Variants in XPO6 observed in about 807,000 individuals in gnomAD.
XPO6 encodes the protein exportin-6.
XPO6 carries 3 observed loss-of-function variants against 130.0 expected under a neutral mutation model. The observed-to-expected ratio is 0.02, with a 90% CI of 0.01 to 0.06. The LOEUF (loss-of-function observed/expected upper bound fraction) is 0.06, where lower values mean the gene tolerates loss of function less well. Ranked by LOEUF, XPO6 falls within the 10% of genes least tolerant of loss-of-function variation. The probability of loss-of-function intolerance (pLI) is 1.00; values close to 1 mark genes in which losing one functional copy is unlikely to be tolerated. For missense variants in XPO6, 970 were observed against 1,393.0 expected, an observed-to-expected ratio of 0.70 and a Z score of 4.83; for synonymous variants, 524 against 548.9, an observed-to-expected ratio of 0.95 and a Z score of 0.63.
In XPO6 at chr16:28,132,663, A is replaced by G. The variant is rs1251661684; in HGVS notation, c.1537-260T>C. Among the ~76,000 whole-genome samples the G allele has an allele frequency of 6.6e-6, 1 of 151,740 alleles. No individual in the cohort carries two copies. Among genetic ancestry groups the G allele is most frequent in the Non-Finnish European group, 1.5e-5 (1 of 67,940 alleles). The stretch of plus-strand genomic sequence containing the variant: ...AGTTCAACCCTTTTTTTAAAAAAAA[A>G]AAAAAAGCAAAGGACACTGTGGTAT... On this transcript the variant is annotated intron_variant, in intron 11 of 23. Transcript: ENST00000304658. The surrounding 1 kb of genome is among the most constrained non-coding windows in gnomAD (Gnocchi z 4.0).
chr16:28,135,411 G>GATCAACATAGACACCATT, intron 9 of XPO6, 87 bp from the exon 10 acceptor site: 1 of 1,055,062 alleles, frequency 9.5e-7, no homozygotes, highest in South Asian at 1.4e-5. Context: ...AAGAAATGGT[G>GATCAACATAGACACCATT]TCTATGTTGA....
intron 21 of XPO6, among the ~76,000 whole-genome samples, chr16:28,102,749 A>G (rs1429331850): frequency 6.6e-6 from 1 of 152,148 alleles, no homozygotes; most frequent in Non-Finnish European, 1.5e-5. Context: ...TCAAAAAAAG[A>G]AAAAAGAAAA....
At position 28,101,217 on chromosome 16, in the gene XPO6, G is replaced by T. The variant is rs954282861; in HGVS notation, c.3276+241C>A. The T allele has an allele frequency of 1.2e-5, 7 of 580,862 alleles. No individual in the cohort carries two copies. The East Asian group carries it at 1.8e-4, about 15-fold the overall frequency. 36.0% of individuals were successfully genotyped at this position (580,862 alleles called of 1,614,324 possible). ...GGAGGGGCTGCAGAGCCAGGAACTC[G>T]GGACCTCCATGGCTGAGACTAAGAA... On this transcript the variant is annotated intron_variant, in intron 23 of 23. Coordinates refer to ENST00000304658, the MANE Select transcript of XPO6 (RefSeq NM_015171.4). This position sits in a 1 kb window ranked among gnomAD's most constrained non-coding sequence, Gnocchi z 5.4.
intron 1 of XPO6, among the ~76,000 whole-genome samples, chr16:28,204,990 A>T (rs1034375782): frequency 6.6e-6 from 1 of 152,100 alleles, no homozygotes; most frequent in South Asian, 2.1e-4. Context: ...TGAGCCCAGG[A>T]GTTCAAGGCT....
At chr16:28,187,459 C>T (rs1051492359) in intron 1 of XPO6, among the ~76,000 whole-genome samples, 7 of 152,018 alleles carry the variant, frequency 4.6e-5, no homozygotes, top group African/African-American at 1.7e-4. Flanking sequence ...AAATGTGCAG[C>T]TTGACCTTGG....
Position 28,146,195 on chromosome 16 carries a change from A to T in XPO6, c.1233T>A (p.His411Gln), listed in dbSNP as rs1385139394. 4 of 1,612,664 alleles carry T rather than the reference A, an allele frequency of 2.5e-6. No homozygotes were observed. Among genetic ancestry groups the T allele is most frequent in the Non-Finnish European group, 3.4e-6 (4 of 1,178,744 alleles). ...TATCCAAACAAGAGAAGTAACCTTC[A>T]TGAGTAGGCTATGGTACAAAAAAAA... ...LFKYTFHQPTHEGYFSCLDIW... is the reference protein window; with the variant it reads ...LFKYTFHQPTQEGYFSCLDIW... Residue 411 changes from histidine to glutamine, a missense_variant, in exon 9 of 24, where the codon CAT becomes CAA. Transcript: ENST00000304658.
intron 2 of XPO6, among the ~76,000 whole-genome samples, chr16:28,179,870 A>C (rs2043588693): frequency 6.6e-6 from 1 of 152,150 alleles, no homozygotes; most frequent in Non-Finnish European, 1.5e-5. Flanking sequence ...CCTGCACTCA[A>C]ATTTGGCATC....
At chr16:28,196,602 T>C (rs984095299) in intron 1 of XPO6, among the ~76,000 whole-genome samples, 3 of 152,224 alleles carry the variant, frequency 2.0e-5, no homozygotes, top group African/African-American at 7.2e-5. Context: ...CTCCACCTAA[T>C]CTCATGCCTA....
At chr16:28,192,385 A>G (rs1314360980) in intron 1 of XPO6, among the ~76,000 whole-genome samples, 1 of 152,152 alleles carries the variant, frequency 6.6e-6, no homozygotes, top group African/African-American at 2.4e-5. Flanking sequence ...CGGTTGCTAT[A>G]AAGTCTCAAG....
Position 28,169,877 on chromosome 16 carries a change from C to A in XPO6, c.438G>T (p.Gly146=). The A allele has an allele frequency of 6.2e-7, 1 of 1,614,126 alleles. No individual in the cohort carries two copies. Among genetic ancestry groups the A allele is most frequent in the Non-Finnish European group, 8.5e-7 (1 of 1,179,994 alleles). ...LIQSPVTTPL[G]LIMLKTTSEE... ...CTGAAGTTGTCTTCAACATGATCAGCCCAAGGGGGGTTGTCACAGGGGACT... is the reference window on the plus strand; with the variant it reads ...CTGAAGTTGTCTTCAACATGATCAGACCAAGGGGGGTTGTCACAGGGGACT... The change falls in exon 5 of 24, where the codon GGG becomes GGT. Residue 146 remains glycine (G), a synonymous_variant. Transcript: ENST00000304658.
intron 9 of XPO6, 54 bp downstream of exon 9, chr16:28,146,040 C>T: frequency 7.1e-7 from 1 of 1,413,346 alleles, no homozygotes. Flanking sequence ...TCTTAGGCCA[C>T]TAGAATAACT....
rs561924155 is a variant in XPO6, at chr16:28,109,560, C to A, written c.2342-1883G>T. ...GAGGAAATGCGAACACGAACATGCA[C>A]CACTACACCACAACCTATGGAAACA... is the stretch of plus-strand genomic sequence containing the variant. On this transcript the variant is annotated intron_variant, in intron 17 of 23. Coordinates refer to ENST00000304658, the MANE Select transcript of XPO6 (RefSeq NM_015171.4). Among the ~76,000 whole-genome samples, 3 of 152,240 alleles carry A rather than the reference C, an allele frequency of 2.0e-5. No individual in the cohort carries two copies. The East Asian group carries it at 5.8e-4, about 29-fold the overall frequency.
rs150043954 is a variant in XPO6, at chr16:28,117,655, C to T, written c.1860-193G>A. Among the ~76,000 whole-genome samples, 272 of 152,266 alleles carry T rather than the reference C, an allele frequency of 1.8e-3. 2 individuals are homozygous for T. The highest frequency in any genetic ancestry group is 6.0e-3 in the African/African-American group (251 of 41,530). ...ATATTCATCATCTAAACATTGCCAC[C>T]GCTGACTAGAGCACAGAAGGCAGTT... On this transcript the variant is annotated intron_variant, in intron 14 of 23. Transcript: ENST00000304658.
chr16:28,191,149 G>T (rs1388373506), intron 1 of XPO6, among the ~76,000 whole-genome samples: 1 of 152,168 alleles, frequency 6.6e-6, no homozygotes, highest in Non-Finnish European at 1.5e-5. Flanking sequence ...CAGGTGCCAG[G>T]TTTATTTTCA....
chr16:28,198,903 G>A (rs2043910220), intron 1 of XPO6, among the ~76,000 whole-genome samples: 1 of 152,154 alleles, frequency 6.6e-6, no homozygotes, highest in Non-Finnish European at 1.5e-5. Flanking sequence ...CAGCACTTTG[G>A]GAGGCCGAGG....
intron 2 of XPO6, among the ~76,000 whole-genome samples, chr16:28,178,479 G>A (rs2043565818): frequency 6.6e-6 from 1 of 151,992 alleles, no homozygotes; most frequent in African/African-American, 2.4e-5. Flanking sequence ...TGAGGCAGGA[G>A]GAGACCTTGC....
rs376725202 is a variant in XPO6, at chr16:28,106,025, G to T, written c.2784+18C>A. 9 of 1,608,430 alleles carry T rather than the reference G, an allele frequency of 5.6e-6. No individual in the cohort carries two copies. The African/African-American group carries it at 1.1e-4, about 19-fold the overall frequency. On this transcript the variant is annotated intron_variant, in intron 20 of 23. Coordinates refer to ENST00000304658, the MANE Select transcript of XPO6 (RefSeq NM_015171.4). This position sits in a 1 kb window ranked among gnomAD's most constrained non-coding sequence, Gnocchi z 4.2. ...TGGAGATGGGGGGTGCTGCACAGGGGACCGTCTGAGCCCCTACCTCGGCAA... is the reference window on the plus strand; with the variant it reads ...TGGAGATGGGGGGTGCTGCACAGGGTACCGTCTGAGCCCCTACCTCGGCAA...
At chr16:28,127,134 C>T (rs772001886) in intron 12 of XPO6, among the ~76,000 whole-genome samples, 3 of 152,216 alleles carry the variant, frequency 2.0e-5, no homozygotes, top group Non-Finnish European at 4.4e-5. Flanking sequence ...ATCAACTCAG[C>T]TCTCTCATGG....
chr16:28,196,872 C>CTGAG (rs1178517720), intron 1 of XPO6, among the ~76,000 whole-genome samples: 5 of 152,202 alleles, frequency 3.3e-5, no homozygotes, highest in African/African-American at 1.2e-4. Flanking sequence ...TGGAAGTAGC[C>CTGAG]TGAGTCCCTT....
Sources: gnomAD v4.1 joint callset for allele counts (sites outside exome capture counted in the v4.1 genomes callset) on GRCh38, gnomAD v4.1.1 for gene constraint, Gnocchi (gnomAD v3.1) non-coding constraint, MANE v1.5 for transcripts, NCBI Gene and HGNC (gene_info 2026-07-23, HGNC 2026-07-21) for gene names.